Variants in MAPK4 observed in about 807,000 individuals in gnomAD.
The protein encoded by MAPK4 is Erk3-related.
Under a neutral mutation model 47.7 loss-of-function variants are expected in MAPK4, and 22 were observed. The ratio of observed to expected loss-of-function variants is 0.46; its 90% CI spans 0.33 to 0.66. MAPK4 has a LOEUF of 0.66. MAPK4 is among the 30% of genes least tolerant of loss of function. The pLI, the probability that MAPK4 is intolerant of heterozygous loss-of-function variation, is 0.02. For synonymous variants in MAPK4, 390 were observed against 365.7 expected, an observed-to-expected ratio of 1.07 and a Z score of -0.76; for missense variants, 736 against 831.7, an observed-to-expected ratio of 0.88 and a Z score of 1.42.
chr18:50,710,929 C>T (rs1237358653), intron 2 of MAPK4, among the ~76,000 whole-genome samples: 4 of 152,198 alleles, frequency 2.6e-5, no homozygotes, highest in African/African-American at 7.2e-5. Flanking sequence ...AACTCCCACA[C>T]GCAAGAGATC....
At chr18:50,651,292 T>C (rs1466830680) in intron 1 of MAPK4, among the ~76,000 whole-genome samples, 5 of 152,112 alleles carry the variant, frequency 3.3e-5, no homozygotes, top group Non-Finnish European at 7.4e-5. Flanking sequence ...TCATGCCTTG[T>C]CATCTCCCTC....
At chr18:50,723,022 T>C (rs906991317) in intron 4 of MAPK4, among the ~76,000 whole-genome samples, 1 of 152,164 alleles carries the variant, frequency 6.6e-6, no homozygotes, top group African/African-American at 2.4e-5. Flanking sequence ...AGGAGGAGTT[T>C]CTGAGGGGCG....
At chr18:50,640,263 A>G (rs557990406) in intron 1 of MAPK4, among the ~76,000 whole-genome samples, 4 of 152,060 alleles carry the variant, frequency 2.6e-5, no homozygotes, top group Admixed American at 6.6e-5. Context: ...CTTGGGGGCC[A>G]TATCAACAGC....
At chr18:50,727,798 G>C (rs1911283420) in intron 5 of MAPK4, among the ~76,000 whole-genome samples, 1 of 152,202 alleles carries the variant, frequency 6.6e-6, no homozygotes, top group Admixed American at 6.5e-5. Flanking sequence ...CTTGCTGTGG[G>C]CAAGCTCCTT....
At chr18:50,624,904 A>G (rs2042763360) in intron 1 of MAPK4, among the ~76,000 whole-genome samples, 1 of 151,994 alleles carries the variant, frequency 6.6e-6, no homozygotes, top group Non-Finnish European at 1.5e-5. Flanking sequence ...GACACCTGAG[A>G]GCACCCAGCA....
chr18:50,661,512 C>T (rs2043171660), intron 1 of MAPK4, among the ~76,000 whole-genome samples: 2 of 152,146 alleles, frequency 1.3e-5, no homozygotes, highest in South Asian at 2.1e-4. Context: ...GGTATCCTCA[C>T]CTGTAAAGTT....
At chr18:50,656,995 G>T (rs1415198138) in intron 1 of MAPK4, among the ~76,000 whole-genome samples, 1 of 152,156 alleles carries the variant, frequency 6.6e-6, no homozygotes, top group East Asian at 1.9e-4. Context: ...GTAGTTGCAG[G>T]CGTGGCTCAG....
At chr18:50,714,123 C>T (rs980991469) in intron 2 of MAPK4, among the ~76,000 whole-genome samples, 4 of 152,150 alleles carry the variant, frequency 2.6e-5, no homozygotes, top group Non-Finnish European at 4.4e-5. Flanking sequence ...TGCTAAACTG[C>T]GAAGTAAAAG....
intron 1 of MAPK4, among the ~76,000 whole-genome samples, chr18:50,631,321 G>A (rs1489958540): frequency 6.6e-6 from 1 of 152,154 alleles, no homozygotes; most frequent in African/African-American, 2.4e-5. Context: ...CAGAGAAGAT[G>A]TGTGTGTTAG....
intron 1 of MAPK4, among the ~76,000 whole-genome samples, chr18:50,563,077 A>G (rs528116343): frequency 2.0e-5 from 3 of 152,296 alleles, no homozygotes; most frequent in Non-Finnish European, 4.4e-5. Context: ...ATAAAAAACT[A>G]TATTACAGGA....
intron 2 of MAPK4, among the ~76,000 whole-genome samples, chr18:50,671,659 T>A (rs62092193): frequency 0.97 from 147,186 of 152,202 alleles, 71,349 homozygotes; most frequent in East Asian, 1. Context: ...TGGGAGGCTT[T>A]GGGAAGACTG....
intron 1 of MAPK4, among the ~76,000 whole-genome samples, chr18:50,566,111 G>A (rs1000677365): frequency 6.6e-6 from 1 of 152,156 alleles, no homozygotes; most frequent in Admixed American, 6.5e-5. Flanking sequence ...GCACAAGACT[G>A]ATCTGGCAAT....
intron 1 of MAPK4, among the ~76,000 whole-genome samples, chr18:50,580,468 G>T (rs1171028765): frequency 6.6e-6 from 1 of 152,206 alleles, no homozygotes; most frequent in Non-Finnish European, 1.5e-5. Context: ...CTCCCCAAAG[G>T]CTGCCCCACA....
At chr18:50,686,705 A>T (rs1462260262) in intron 2 of MAPK4, among the ~76,000 whole-genome samples, 2 of 152,214 alleles carry the variant, frequency 1.3e-5, no homozygotes, top group Non-Finnish European at 2.9e-5. Context: ...ACTGTCCTGA[A>T]ATCCATGTCG....
At chr18:50,572,509 T>C (rs901633563) in intron 1 of MAPK4, among the ~76,000 whole-genome samples, 1 of 152,200 alleles carries the variant, frequency 6.6e-6, no homozygotes, top group Non-Finnish European at 1.5e-5. Flanking sequence ...CCTGCTGTCA[T>C]TTTTCAAAAG....
At chr18:50,720,667 T>A (rs1229884328) in intron 3 of MAPK4, among the ~76,000 whole-genome samples, 3 of 152,078 alleles carry the variant, frequency 2.0e-5, no homozygotes, top group Non-Finnish European at 4.4e-5. Flanking sequence ...GGGAGCAAGG[T>A]CCCACCATCT....
At chr18:50,719,271 C>T (rs1399313835) in intron 3 of MAPK4, among the ~76,000 whole-genome samples, 3 of 151,912 alleles carry the variant, frequency 2.0e-5, no homozygotes, top group African/African-American at 7.3e-5. Flanking sequence ...TGACCACGTG[C>T]TGGGGATACA....
At chr18:50,575,279 C>G (rs545245197) in intron 1 of MAPK4, among the ~76,000 whole-genome samples, 2 of 152,158 alleles carry the variant, frequency 1.3e-5, no homozygotes, top group African/African-American at 4.8e-5. Context: ...AGACACTGAA[C>G]CTGCCAGTTC....
At chr18:50,585,755 A>G (rs541810273) in intron 1 of MAPK4, among the ~76,000 whole-genome samples, 1 of 152,200 alleles carries the variant, frequency 6.6e-6, no homozygotes, top group East Asian at 1.9e-4. Context: ...TAATTGACTT[A>G]CAGTTCCACA....
Sources: gnomAD v4.1 joint callset for allele counts (sites outside exome capture counted in the v4.1 genomes callset) on GRCh38, gnomAD v4.1.1 for gene constraint, MANE v1.5 for transcripts, NCBI Gene and HGNC (gene_info 2026-07-23, HGNC 2026-07-21) for gene names.